The following FBN3 variants were observed in gnomAD, a reference collection of about 807,000 sequenced individuals.
FBN3 encodes the protein fibrillin 3, also known as fibrillin-3.
A neutral mutation model predicts 330.1 loss-of-function variants in FBN3; 234 were observed. The ratio of observed to expected loss-of-function variants is 0.71; its 90% confidence interval spans 0.64 to 0.79. The LOEUF (loss-of-function observed/expected upper bound fraction) is 0.79, where lower values mean the gene tolerates loss of function less well. FBN3 is among the 30% of genes least tolerant of loss of function. The pLI, the probability that FBN3 is intolerant of heterozygous loss-of-function variation, is 0.00. For missense variants in FBN3, 3,606 were observed against 3,886.9 expected (o/e 0.93, Z 1.92); for synonymous variants, 1,458 against 1,517.3 (o/e 0.96, Z 0.91).
rs746921717 is a variant in FBN3 at position 8,109,358 on chromosome 19, G to A, written c.4487C>T (p.Thr1496Met). 17 of 1,614,050 alleles carry A rather than the reference G, an allele frequency of 1.1e-5. No individual in the cohort carries two copies. Among genetic ancestry groups the A allele is most frequent in the Non-Finnish European group, 1.4e-5 (16 of 1,180,030 alleles). ...AATGCCACTGTCCCCTCGGTCATGCGTCTCCAGGAAACAGTTCCCGGCCCG... is the reference window on the plus strand; with the variant it reads ...AATGCCACTGTCCCCTCGGTCATGCATCTCCAGGAAACAGTTCCCGGCCCG... ...DTRAGNCFLE[T>M]HDRGDSGISC... Residue 1496 changes from threonine to methionine, a missense_variant, in exon 36 of 64, where the codon ACG becomes ATG. By Grantham distance (81) the Thr-to-Met change is moderately conservative. Transcript: ENST00000600128. The surrounding 1 kb of genome is among the most constrained non-coding windows in gnomAD (Gnocchi z 5.2).
Position 8,141,745 on chromosome 19 carries a change from C to T in FBN3, c.837G>A (p.Arg279=), listed in dbSNP as rs1287753699. ...CACATGCGGCGCTGCTGTCACTGAGCCGGTGTCCAACTGGACAGCGGCAAT... is the reference window on the plus strand; with the variant it reads ...CACATGCGGCGCTGCTGTCACTGAGTCGGTGTCCAACTGGACAGCGGCAAT... ...SFHCRCPVGH[R]LSDSSAACED... The change falls in exon 8 of 64, where the codon CGG becomes CGA. Residue 279 remains arginine, a synonymous_variant. Coordinates refer to ENST00000600128, the MANE Select transcript of FBN3 (RefSeq NM_032447.5). 1.9e-6 allele frequency: 3 copies of T among 1,613,976 alleles called. No individual in the cohort carries two copies. The highest frequency in any genetic ancestry group is 8.5e-7 in the Non-Finnish European group (1 of 1,179,976).
intron 57 of FBN3, among the ~76,000 whole-genome samples, chr19:8,082,583 T>C (rs2081829108): frequency 6.6e-6 from 1 of 151,712 alleles, no homozygotes; most frequent in Admixed American, 6.6e-5. Flanking sequence ...AACCTCCACT[T>C]CCTGGGTTCA....
intron 13 of FBN3, among the ~76,000 whole-genome samples, chr19:8,134,509 G>A (rs973805484): frequency 1.4e-4 from 21 of 152,088 alleles, no homozygotes; most frequent in African/African-American, 4.8e-4. Context: ...GCCCCCCAGG[G>A]CCCCTCCCTG....
Position 8,065,791 on chromosome 19 carries a change from G to A in FBN3, c.*128C>T, listed in dbSNP as rs914909092. The stretch of plus-strand genomic sequence containing the variant: ...GAGGCCGGGCTTGCCTGAGGTTGTC[G>A]TGTAGCATTTCACTCTTCCTGAGTT... On this transcript the variant is annotated 3_prime_UTR_variant, in exon 64 of 64. Coordinates refer to ENST00000600128, the MANE Select transcript of FBN3 (RefSeq NM_032447.5). The A allele has an allele frequency of 2.9e-5, 24 of 840,116 alleles. No homozygotes were observed. Among genetic ancestry groups the A allele is most frequent in the Non-Finnish European group, 4.2e-5 (23 of 549,606 alleles). 52.0% of individuals were successfully genotyped at this position (840,116 alleles called of 1,614,324 possible). A position where few individuals can be genotyped will look rare whatever the true frequency, so the allele number is the denominator to read the frequency against.
Position 8,095,402 on chromosome 19 carries a change from G to C in FBN3, c.5758C>G (p.Leu1920Val), listed in dbSNP as rs527701918. Residue 1920 changes from leucine to valine, a missense_variant, in exon 46 of 64, where the codon CTC becomes GTC. Physicochemically the swap from Leu to Val is conservative, Grantham distance 32 (BLOSUM62 1). Transcript: ENST00000600128. Reference protein sequence around the residue: ...FHCLCQDGFELTADGKNCVDT... With the variant: ...FHCLCQDGFEVTADGKNCVDT... Reference sequence around the variant, plus strand: ...ACACAGTTCTTCCCATCAGCTGTGAGCTCAAAGCCATCCTGGCAGAGGCAG... The same window carrying C: ...ACACAGTTCTTCCCATCAGCTGTGACCTCAAAGCCATCCTGGCAGAGGCAG... 3 of 1,613,272 alleles carry C rather than the reference G, an allele frequency of 1.9e-6. No individual in the cohort carries two copies. In the African/African-American group the frequency reaches 4.0e-5, roughly 22 times the overall value.
In FBN3 at chr19:8,136,381, G is replaced by T. The variant is rs542249982; in HGVS notation, c.1345+7C>A. ...ACCGCCCCCCCTTCCACCTGGCCGC[G>T]GCTCACCAATGCACTCGCCGCGCAC... On this transcript the variant is annotated splice_region_variant and intron_variant, in intron 11 of 63. Transcript: ENST00000600128. 1 of 1,612,162 alleles carries T rather than the reference G, an allele frequency of 6.2e-7. No homozygotes were observed. The highest frequency in any genetic ancestry group is 1.3e-5 in the African/African-American group (1 of 74,894).
At chr19:8,094,831 A>T (rs2082176233) in intron 46 of FBN3, among the ~76,000 whole-genome samples, 1 of 152,208 alleles carries the variant, frequency 6.6e-6, no homozygotes, top group Non-Finnish European at 1.5e-5. Context: ...TGGCACCACC[A>T]GCAGATTCCT....
chr19:8,126,221 C>A, intron 21 of FBN3, 76 bp downstream of exon 21: 1 of 1,500,342 alleles, frequency 6.7e-7, no homozygotes, highest in Non-Finnish European at 9.1e-7. Context: ...CCGGAGGTGG[C>A]ACCCATGAGG....
At chr19:8,100,432 G>C (rs1275707601) in intron 41 of FBN3, among the ~76,000 whole-genome samples, 5 of 152,056 alleles carry the variant, frequency 3.3e-5, no homozygotes, top group Non-Finnish European at 2.9e-5. Context: ...TTGCCTCCTG[G>C]GTTCAAGCAA....
At chr19:8,075,024 C>T (rs1328336085) in intron 61 of FBN3, 47 bp downstream of exon 61, 1 of 1,580,536 alleles carries the variant, frequency 6.3e-7, no homozygotes, top group South Asian at 1.2e-5. Flanking sequence ...CTGCTCTGAG[C>T]AGATTCTGGT....
Position 8,121,162 on chromosome 19 carries a change from C to G in FBN3, c.3211+96G>C. ...TCCTCCCTCCTCCTGCCCCCTCCAT[C>G]CACGTCCACACAGCAACAGCCGTCC... On this transcript the variant is annotated intron_variant, in intron 25 of 63. Coordinates refer to ENST00000600128, the MANE Select transcript of FBN3 (RefSeq NM_032447.5). This position sits in a 1 kb window ranked among gnomAD's most constrained non-coding sequence, Gnocchi z 4.5. 8.2e-7 allele frequency: 1 copy of G among 1,218,404 alleles called. No homozygotes were observed. The highest frequency in any genetic ancestry group is 1.5e-5 in the African/African-American group (1 of 65,590). The allele number at this position is 1,218,404 out of a possible 1,614,324, so 75.5% of individuals were successfully genotyped here.
chr19:8,086,110 C>G, intron 55 of FBN3, 90 bp downstream of exon 55: 1 of 875,338 alleles, frequency 1.1e-6, no homozygotes, highest in Non-Finnish European at 1.6e-6. Context: ...AGGGGGCAGG[C>G]AGTGGGGGGA....
In FBN3 at chr19:8,118,472, A is replaced by C. The variant is rs190545127; in HGVS notation, c.3337+425T>G. On this transcript the variant is annotated intron_variant, in intron 26 of 63. Transcript: ENST00000600128. ...GGGACCCTGTCTCAAACAAAACAAAATGAAACACACCTACGCACATGCAAA... is the reference window on the plus strand; with the variant it reads ...GGGACCCTGTCTCAAACAAAACAAACTGAAACACACCTACGCACATGCAAA... Among the ~76,000 whole-genome samples, 148 of 152,184 alleles carry C rather than the reference A, an allele frequency of 9.7e-4. 1 individual carries two copies. Among genetic ancestry groups the C allele is most frequent in the African/African-American group, 3.4e-3 (143 of 41,522 alleles).
chr19:8,090,631 G>A (rs931418292), intron 48 of FBN3, among the ~76,000 whole-genome samples: 2 of 151,928 alleles, frequency 1.3e-5, no homozygotes, highest in African/African-American at 4.8e-5. Context: ...TTACAGGCAT[G>A]TGCCACCACA....
chr19:8,104,170 A>AG (rs2082389592), intron 38 of FBN3, among the ~76,000 whole-genome samples: 1 of 151,294 alleles, frequency 6.6e-6, no homozygotes, highest in South Asian at 2.1e-4. Context: ...TAAGTGAAAA[A>AG]AAAAAAAAAA....
Position 8,096,427 on chromosome 19 carries a change from G to A in FBN3, c.5539+17C>T. 6.2e-7 allele frequency: 1 copy of A among 1,607,290 alleles called. No individual in the cohort carries two copies. The highest frequency in any genetic ancestry group is 8.5e-7 in the Non-Finnish European group (1 of 1,176,072). On this transcript the variant is annotated intron_variant, in intron 44 of 63. Transcript: ENST00000600128. The surrounding 1 kb of genome is among the most constrained non-coding windows in gnomAD (Gnocchi z 4.6). ...GGCAGCCTGGCTTGAAAAGGAGGGGGAAGATAAGGGTCTCACCCATGCACA... is the reference window on the plus strand; with the variant it reads ...GGCAGCCTGGCTTGAAAAGGAGGGGAAAGATAAGGGTCTCACCCATGCACA...
Position 8,138,327 on chromosome 19 carries a change from C to T in FBN3, c.1019-4G>A. On this transcript the variant is annotated splice_region_variant and splice_polypyrimidine_tract_variant and intron_variant, in intron 9 of 63. Coordinates refer to ENST00000600128, the MANE Select transcript of FBN3 (RefSeq NM_032447.5). ...GCGCACAGTTGCTGGAATTCATCTGCAAGGAAGCAGGGTTGAGGCCAGGCC... is the reference window on the plus strand; with the variant it reads ...GCGCACAGTTGCTGGAATTCATCTGTAAGGAAGCAGGGTTGAGGCCAGGCC... 1 of 1,613,066 alleles carries T rather than the reference C, an allele frequency of 6.2e-7. No homozygotes were observed. Among genetic ancestry groups the T allele is most frequent in the South Asian group, 1.1e-5 (1 of 91,028 alleles).
rs1053504880 is a variant in FBN3 at position 8,121,872 on chromosome 19, C to T, written c.3083-486G>A. Among the ~76,000 whole-genome samples the T allele has an allele frequency of 2.0e-5, 3 of 152,144 alleles. No individual in the cohort carries two copies. Among genetic ancestry groups the T allele is most frequent in the Non-Finnish European group, 4.4e-5 (3 of 68,040 alleles). On this transcript the variant is annotated intron_variant, in intron 24 of 63. Coordinates refer to ENST00000600128, the MANE Select transcript of FBN3 (RefSeq NM_032447.5). The surrounding 1 kb of genome is among the most constrained non-coding windows in gnomAD (Gnocchi z 4.5). ...TCAAGCGATTCTCCTGCCTCAGCCT[C>T]CCGAGTAGCTGGGATTACAGGTGTG...
At chr19:8,088,497 G>C (rs1367196395) in intron 51 of FBN3, among the ~76,000 whole-genome samples, 1 of 152,130 alleles carries the variant, frequency 6.6e-6, no homozygotes, top group Non-Finnish European at 1.5e-5. Context: ...GAGCCCAGGA[G>C]TTCCAAAAGA....
Sources: allele counts gnomAD v4.1 joint callset (sites outside exome capture counted in the v4.1 genomes callset), GRCh38; gene constraint gnomAD v4.1.1; non-coding constraint Gnocchi (gnomAD v3.1); transcripts MANE v1.5; gene names NCBI Gene and HGNC (gene_info 2026-07-23, HGNC 2026-07-21).